The following E2F7 variants were observed in gnomAD, a reference collection of about 807,000 sequenced individuals.
E2F7 encodes transcription factor E2F7.
A neutral mutation model predicts 81.1 loss-of-function variants in E2F7; 35 were observed. That is an observed-to-expected ratio of 0.43 (90% CI 0.33 to 0.57). E2F7 has a LOEUF of 0.57. Ranked by LOEUF, E2F7 falls within the 20% of genes least tolerant of loss-of-function variation. The pLI, the probability that E2F7 is intolerant of heterozygous loss-of-function variation, is 0.04. For missense variants in E2F7, 961 were observed against 1,093.7 expected (o/e 0.88, Z 1.71); for synonymous variants, 416 against 416.2 (o/e 1.00, Z 0.01).
chr12:77,030,376 A>G (rs1191874128), intron 9 of E2F7, 44 bp from the exon 10 acceptor site: 1 of 1,507,710 alleles, frequency 6.6e-7, no homozygotes, highest in African/African-American at 1.4e-5. Context: ...CATTCTACCA[A>G]CTCCTGACCC....
chr12:77,059,644 C>A (rs2120756477), intron 2 of E2F7, among the ~76,000 whole-genome samples: 1 of 152,236 alleles, frequency 6.6e-6, no homozygotes, highest in Non-Finnish European at 1.5e-5. Context: ...CAAGATCACA[C>A]CACTTCCTGG....
At chr12:77,064,222 A>G (rs1255392287) in intron 2 of E2F7, among the ~76,000 whole-genome samples, 1 of 152,216 alleles carries the variant, frequency 6.6e-6, no homozygotes, top group Non-Finnish European at 1.5e-5. Flanking sequence ...GAGGCTTAGC[A>G]TTCCTACAGA....
chr12:77,032,103 A>C (rs889653021), intron 9 of E2F7, among the ~76,000 whole-genome samples: 1 of 152,164 alleles, frequency 6.6e-6, no homozygotes, highest in South Asian at 2.1e-4. Flanking sequence ...GCTCTGCCCT[A>C]CAGCAGACCA....
At chr12:77,058,739 C>T (rs765893906) in intron 2 of E2F7, among the ~76,000 whole-genome samples, 3 of 152,144 alleles carry the variant, frequency 2.0e-5, no homozygotes, top group Non-Finnish European at 4.4e-5. Context: ...ATATAGTGAG[C>T]GCTCGATAAA....
intron 4 of E2F7, among the ~76,000 whole-genome samples, chr12:77,049,631 CT>C (rs1954970427): frequency 6.6e-6 from 1 of 152,200 alleles, no homozygotes; most frequent in African/African-American, 2.4e-5. Flanking sequence ...AGCCCATGGT[CT>C]TCTTATCATA....
At chr12:77,044,474 G>C in intron 6 of E2F7, 163 bp downstream of exon 6, 1 of 808,000 alleles carries the variant, frequency 1.2e-6, no homozygotes, top group Middle Eastern at 2.5e-4. Context: ...TCTAGTAGGT[G>C]ACTAACTTAC....
chr12:77,032,631 C>T (rs1219752606), intron 9 of E2F7, among the ~76,000 whole-genome samples: 1 of 152,116 alleles, frequency 6.6e-6, no homozygotes, highest in Non-Finnish European at 1.5e-5. Flanking sequence ...AGGGTAATAC[C>T]TCTCTGTAAA....
chr12:77,038,951 A>C (rs941791708), intron 7 of E2F7, among the ~76,000 whole-genome samples: 1 of 152,238 alleles, frequency 6.6e-6, no homozygotes, highest in African/African-American at 2.4e-5. Flanking sequence ...CTCTTCCAGA[A>C]AACTGAAGAG....
At chr12:77,039,023 C>T (rs758405183) in intron 7 of E2F7, among the ~76,000 whole-genome samples, 1 of 152,222 alleles carries the variant, frequency 6.6e-6, no homozygotes, top group Non-Finnish European at 1.5e-5. Context: ...AATAGACAAA[C>T]AGATCAATGC....
At position 77,050,615 on chromosome 12, in the gene E2F7, T is replaced by C; in HGVS notation, c.499A>G (p.Lys167Glu). ...ACTTCATCTAGGGAGATGGTAGTTT[T>C]CTCAGTTGACAAGGGATAACTTGGA... ...RYPSYPLSTE[K>E]TTISLDEVAV... Residue 167 changes from lysine to glutamate, a missense_variant, in exon 4 of 13, where the codon AAA becomes GAA. Around this residue, in one of 3 missense-constraint regions of E2F7, gnomAD observed 301 missense variants for 405.0 expected, o/e 0.74. Coordinates refer to ENST00000322886, the MANE Select transcript of E2F7 (RefSeq NM_203394.3). 1.9e-6 allele frequency: 3 copies of C among 1,614,086 alleles called. No homozygotes were observed. Among genetic ancestry groups the C allele is most frequent in the Non-Finnish European group, 2.5e-6 (3 of 1,179,952 alleles).
intron 2 of E2F7, among the ~76,000 whole-genome samples, chr12:77,061,124 C>T (rs1027753296): frequency 6.6e-6 from 1 of 152,142 alleles, no homozygotes; most frequent in African/African-American, 2.4e-5. Flanking sequence ...AACCCTCTGC[C>T]GCTCTCTCAT....
At chr12:77,044,497 CA>C (rs1954923037) in intron 6 of E2F7, 139 bp downstream of exon 6, 13 of 1,121,390 alleles carry the variant, frequency 1.2e-5, no homozygotes, top group Admixed American at 2.5e-5. Context: ...CTCACAGCAC[CA>C]AAAACCTTGA....
In E2F7 at chr12:77,023,611, A is replaced by G. The variant is rs1367963349; in HGVS notation, c.*404T>C. 6.4e-6 allele frequency: 1 copy of G among 156,472 alleles called. No individual in the cohort carries two copies. Among genetic ancestry groups the G allele is most frequent in the Non-Finnish European group, 1.4e-5 (1 of 70,780 alleles). 9.7% of individuals were successfully genotyped at this position (156,472 alleles called of 1,614,324 possible). A position where few individuals can be genotyped will look rare whatever the true frequency, so the allele number is the denominator to read the frequency against. On this transcript the variant is annotated 3_prime_UTR_variant, in exon 13 of 13. Transcript: ENST00000322886. ...GGAAGCAGTAGCTTTTTTAAACTGC[A>G]GAAAGGAAGCTTCTCTCACCACAGA...
intron 5 of E2F7, 107 bp downstream of exon 5, chr12:77,045,931 C>T: frequency 7.3e-7 from 1 of 1,367,230 alleles, no homozygotes; most frequent in Non-Finnish European, 1.0e-6. Context: ...AGAACATCTC[C>T]CTCCAGGGTT....
At chr12:77,061,144 C>T (rs144258281) in intron 2 of E2F7, among the ~76,000 whole-genome samples, 6 of 152,304 alleles carry the variant, frequency 3.9e-5, no homozygotes, top group African/African-American at 1.2e-4. Flanking sequence ...TTATTTGCCA[C>T]TCCCACGTAT....
chr12:77,038,416 C>A (rs1052319637), intron 7 of E2F7, among the ~76,000 whole-genome samples: 1 of 152,090 alleles, frequency 6.6e-6, no homozygotes, highest in Non-Finnish European at 1.5e-5. Context: ...AAAGTATATT[C>A]TCTGGTTACA....
chr12:77,050,759 T>G lies in E2F7; in HGVS notation c.370-15A>C. ...ACAACATCAAGCTACAGAGGGCAGA[T>G]AGAAGGGAGGGGGAAGATGTCACAG... On this transcript the variant is annotated splice_polypyrimidine_tract_variant and intron_variant, in intron 3 of 12. Coordinates refer to ENST00000322886, the MANE Select transcript of E2F7 (RefSeq NM_203394.3). The G allele has an allele frequency of 6.2e-7, 1 of 1,609,352 alleles. No homozygotes were observed. The highest frequency in any genetic ancestry group is 8.5e-7 in the Non-Finnish European group (1 of 1,177,146).
intron 5 of E2F7, 89 bp downstream of exon 5, chr12:77,045,949 T>G: frequency 6.6e-7 from 1 of 1,504,648 alleles, no homozygotes; most frequent in Non-Finnish European, 9.0e-7. Flanking sequence ...GTTGTCAACC[T>G]GGCACTTCCC....
chr12:77,056,095 CG>C lies in E2F7; in HGVS notation c.128del (p.Pro43ArgfsTer5). 6.2e-7 allele frequency: 1 copy of C among 1,612,820 alleles called. No individual in the cohort carries two copies. Among genetic ancestry groups the C allele is most frequent in the Non-Finnish European group, 8.5e-7 (1 of 1,179,696 alleles). On this transcript the variant is annotated frameshift_variant, in exon 3 of 13. Transcript: ENST00000322886. LOFTEE classifies it high-confidence loss of function. ...TTGGTTCATTTTTTATTGGAGTCTTCGGGGCCATCCTTGATCGATCAACAAA... is the reference window on the plus strand; with the variant it reads ...TTGGTTCATTTTTTATTGGAGTCTTCGGGCCATCCTTGATCGATCAACAAA... ...NIFVDRSRMA[P>X]KTPIKNEPID...
Sources: gnomAD v4.1 joint callset for allele counts (sites outside exome capture counted in the v4.1 genomes callset) on GRCh38, gnomAD v4.1.1 for gene constraint, gnomAD v4.1.1 regional missense constraint, MANE v1.5 for transcripts, NCBI Gene and HGNC (gene_info 2026-07-23, HGNC 2026-07-21) for gene names.